TFEC: variants seen among roughly 807,000 people sequenced by gnomAD.
TFEC encodes transcription factor EC.
In TFEC, 31 loss-of-function variants were observed where a neutral mutation model predicts 41.6. The ratio of observed to expected loss-of-function variants is 0.74; its 90% CI spans 0.56 to 1.01. The LOEUF (loss-of-function observed/expected upper bound fraction) is 1.01, where lower values mean the gene tolerates loss of function less well. TFEC is among the 50% of genes least tolerant of loss of function. TFEC has a pLI of 0.00. For synonymous variants in TFEC, 143 were observed against 140.6 expected (o/e 1.02, Z -0.12); for missense variants, 402 against 404.1 (o/e 0.99, Z 0.04).
intron 1 of TFEC, among the ~76,000 whole-genome samples, chr7:116,126,835 C>G (rs1468563458): frequency 6.6e-6 from 1 of 151,948 alleles, no homozygotes; most frequent in African/African-American, 2.4e-5. Context: ...CAAATGATAC[C>G]TAAAGAACCA....
At chr7:116,103,452 A>C (rs1398801841) in intron 3 of TFEC, among the ~76,000 whole-genome samples, 1 of 152,234 alleles carries the variant, frequency 6.6e-6, no homozygotes, top group African/African-American at 2.4e-5. Flanking sequence ...AAAGGACAGC[A>C]GGAAAGATGG....
intron 3 of TFEC, among the ~76,000 whole-genome samples, chr7:116,093,642 C>T (rs1378117709): frequency 5.3e-5 from 8 of 152,140 alleles, no homozygotes; most frequent in Non-Finnish European, 1.0e-4. Flanking sequence ...CCATATTTTA[C>T]ATCTGCTATG....
In TFEC at chr7:116,036,099, T is replaced by G. The variant is rs369433033; in HGVS notation, c.199-51586A>C. On this transcript the variant is annotated intron_variant, in intron 3 of 8. Transcript: ENST00000484212. ...TAAAAACATATAATATATAGATAAT[T>G]GTTATACTGTATTGTCGATTATTTT... 4.6e-5 allele frequency among the ~76,000 whole-genome samples: 7 copies of G among 152,150 alleles called. No individual in the cohort carries two copies. In the South Asian group the frequency reaches 6.2e-4, roughly 14 times the overall value.
At chr7:116,050,824 G>A (rs1215647204) in intron 3 of TFEC, among the ~76,000 whole-genome samples, 1 of 152,176 alleles carries the variant, frequency 6.6e-6, no homozygotes, top group African/African-American at 2.4e-5. Context: ...TATAAATCAT[G>A]CTGCTATAAA....
upstream of TFEC, among the ~76,000 whole-genome samples, chr7:116,032,494 T>C (rs762896724): frequency 2.0e-5 from 3 of 152,108 alleles, no homozygotes; most frequent in Non-Finnish European, 2.9e-5. Flanking sequence ...CAGAATACTA[T>C]ACAGTCATAA....
At chr7:115,999,825 G>A (rs1794516557) in intron 1 of TFEC, among the ~76,000 whole-genome samples, 1 of 124,568 alleles carries the variant, frequency 8.0e-6, no homozygotes, top group African/African-American at 3.1e-5. Context: ...CAAGATCAAA[G>A]CCATAATAAG....
intron 1 of TFEC, among the ~76,000 whole-genome samples, chr7:116,124,203 G>A (rs930083159): frequency 1.2e-4 from 19 of 152,034 alleles, no homozygotes; most frequent in Non-Finnish European, 2.1e-4. Context: ...ATATAACCAC[G>A]AAAGTTTTTA....
chr7:116,074,301 C>G (rs1796903580), intron 3 of TFEC, among the ~76,000 whole-genome samples: 1 of 151,496 alleles, frequency 6.6e-6, no homozygotes, highest in African/African-American at 2.4e-5. Flanking sequence ...CCAAAGAACA[C>G]CAACAAGAAT....
At chr7:116,023,420 A>G (rs754523268) in intron 1 of TFEC, among the ~76,000 whole-genome samples, 100 of 152,222 alleles carry the variant, frequency 6.6e-4, no homozygotes, top group Non-Finnish European at 1.0e-3. Context: ...CTGAAAACTG[A>G]GAAACTATTG....
At chr7:115,955,602 G>C (rs550327590) in intron 4 of TFEC, among the ~76,000 whole-genome samples, 47 of 152,100 alleles carry the variant, frequency 3.1e-4, no homozygotes, top group African/African-American at 1.0e-3. Context: ...TGGTCTGAAC[G>C]AATTCACTAG....
intron 3 of TFEC, among the ~76,000 whole-genome samples, chr7:116,095,334 T>C (rs1797426065): frequency 6.6e-6 from 1 of 152,140 alleles, no homozygotes; most frequent in Non-Finnish European, 1.5e-5. Context: ...AAAACAAAAG[T>C]GTGTGTGTTT....
At chr7:116,091,258 T>C (rs946104249) in intron 3 of TFEC, among the ~76,000 whole-genome samples, 20 of 152,220 alleles carry the variant, frequency 1.3e-4, no homozygotes, top group African/African-American at 2.2e-4. Context: ...ATGAAGAACA[T>C]TGAATAATAG....
intron 3 of TFEC, among the ~76,000 whole-genome samples, chr7:116,090,886 A>G (rs1230611902): frequency 1.3e-5 from 2 of 150,370 alleles, no homozygotes. Flanking sequence ...CAAACACCAC[A>G]TGTTGTCACT....
At chr7:115,945,943 T>C (rs1454363730) in intron 6 of TFEC, among the ~76,000 whole-genome samples, 4 of 151,750 alleles carry the variant, frequency 2.6e-5, no homozygotes, top group Admixed American at 2.0e-4. Flanking sequence ...GACTTTTGTA[T>C]GGCCTGCAAA....
At chr7:116,127,089 T>G (rs1038491300) in intron 1 of TFEC, among the ~76,000 whole-genome samples, 1 of 151,860 alleles carries the variant, frequency 6.6e-6, no homozygotes, top group Admixed American at 6.6e-5. Context: ...CTTTGGTTTT[T>G]GTTTTTGTTT....
chr7:116,020,388 A>T (rs543704859), intron 1 of TFEC, among the ~76,000 whole-genome samples: 1 of 152,336 alleles, frequency 6.6e-6, no homozygotes, highest in South Asian at 2.1e-4. Context: ...TGTGTAAAAG[A>T]TTTGAAGCAA....
At chr7:116,126,381 A>G (rs576847309) in intron 1 of TFEC, among the ~76,000 whole-genome samples, 1 of 152,092 alleles carries the variant, frequency 6.6e-6, no homozygotes, top group Admixed American at 6.6e-5. Flanking sequence ...TAGAGGTTCA[A>G]TCATGGAAGT....
intron 1 of TFEC, among the ~76,000 whole-genome samples, chr7:116,144,432 G>T (rs1465377597): frequency 1.3e-5 from 2 of 152,128 alleles, no homozygotes; most frequent in Admixed American, 1.3e-4. Context: ...TGTCTACTTG[G>T]CCAGGCTACA....
At chr7:115,964,851 G>C (rs1431239395) in intron 3 of TFEC, among the ~76,000 whole-genome samples, 1 of 151,502 alleles carries the variant, frequency 6.6e-6, no homozygotes, top group Non-Finnish European at 1.5e-5. Context: ...ATAGTATTAA[G>C]AGAAAACATT....
Sources: allele counts gnomAD v4.1 joint callset (sites outside exome capture counted in the v4.1 genomes callset), GRCh38; gene constraint gnomAD v4.1.1; transcripts MANE v1.5; gene names NCBI Gene and HGNC (gene_info 2026-07-23, HGNC 2026-07-21).